The following STK32C variants were observed in gnomAD, a reference collection of about 807,000 sequenced individuals.
STK32C encodes the protein serine/threonine-protein kinase 32C.
A neutral mutation model predicts 56.5 loss-of-function variants in STK32C; 31 were observed. The ratio of observed to expected loss-of-function variants is 0.55; its 90% CI spans 0.41 to 0.74. The LOEUF (loss-of-function observed/expected upper bound fraction) is 0.74. STK32C is among the 30% of genes least tolerant of loss of function. The probability of loss-of-function intolerance (pLI) is 0.00; values close to 1 mark genes in which losing one functional copy is unlikely to be tolerated. For synonymous variants in STK32C, 309 were observed against 289.4 expected, an observed-to-expected ratio of 1.07 and a Z score of -0.69; for missense variants, 544 against 676.9, an observed-to-expected ratio of 0.80 and a Z score of 2.18.
intron 1 of STK32C, among the ~76,000 whole-genome samples, chr10:132,328,484 C>A (rs745364710): frequency 6.6e-6 from 1 of 152,132 alleles, no homozygotes; most frequent in Non-Finnish European, 1.5e-5. Flanking sequence ...CTGCAGGACC[C>A]CTAACCTGTA....
intron 2 of STK32C, among the ~76,000 whole-genome samples, chr10:132,237,478 G>A (rs11816257): frequency 0.014 from 2,179 of 152,362 alleles, 65 homozygotes; most frequent in African/African-American, 0.047. Flanking sequence ...CCAGAGAGAC[G>A]GGCCCGGCAA....
chr10:132,272,934 C>T (rs570393370), intron 1 of STK32C, among the ~76,000 whole-genome samples: 2 of 152,288 alleles, frequency 1.3e-5, no homozygotes, highest in Non-Finnish European at 2.9e-5. Context: ...CCAGTGAGCC[C>T]ACCATGCGGC....
intron 1 of STK32C, among the ~76,000 whole-genome samples, chr10:132,254,068 G>A (rs1038481931): frequency 3.9e-5 from 6 of 152,190 alleles, no homozygotes; most frequent in Non-Finnish European, 8.8e-5. Flanking sequence ...CCAGCACTTA[G>A]GGAGGCCGAG....
At chr10:132,241,538 T>C (rs1215948427) in intron 2 of STK32C, among the ~76,000 whole-genome samples, 1 of 152,226 alleles carries the variant, frequency 6.6e-6, no homozygotes, top group African/African-American at 2.4e-5. Context: ...ATCTCAACTT[T>C]GCTCTCAATT....
chr10:132,331,470 A>G, exon 1 of STK32C: 2 of 1,612,718 alleles, frequency 1.2e-6, no homozygotes, highest in Non-Finnish European at 1.7e-6. Flanking sequence ...CTCCGTCCAG[A>G]GGCAGCCTTA....
chr10:132,223,930 C>T (rs1253483901), intron 8 of STK32C, among the ~76,000 whole-genome samples: 1 of 152,130 alleles, frequency 6.6e-6, no homozygotes, highest in Non-Finnish European at 1.5e-5. Context: ...CTGCCCGTGT[C>T]CCTGCCAGGC....
At chr10:132,248,337 C>A (rs949107189) in intron 1 of STK32C, among the ~76,000 whole-genome samples, 7 of 152,238 alleles carry the variant, frequency 4.6e-5, no homozygotes, top group Non-Finnish European at 1.0e-4. Context: ...CCAGCAGCAA[C>A]CCCAACAGGA....
At position 132,257,515 on chromosome 10, in the gene STK32C, CAA is replaced by C. The variant is rs199746579; in HGVS notation, c.263-11562_263-11561del. 9.2e-3 allele frequency among the ~76,000 whole-genome samples: 1,364 copies of C among 147,578 alleles called. 23 individuals carry two copies. Among genetic ancestry groups the C allele is most frequent in the African/African-American group, 0.032 (1,303 of 40,376 alleles). On this transcript the variant is annotated intron_variant, in intron 1 of 11. Transcript: ENST00000298630. Reference sequence around the variant, plus strand: ...GGGAGGGAGCATCACACCCCCCAGCCAAAGAGATGGGCGGGGCGGAGCTGCGA... The same window carrying C: ...GGGAGGGAGCATCACACCCCCCAGCCAGAGATGGGCGGGGCGGAGCTGCGA...
At chr10:132,248,487 C>T (rs977937298) in intron 1 of STK32C, among the ~76,000 whole-genome samples, 1 of 152,244 alleles carries the variant, frequency 6.6e-6, no homozygotes, top group African/African-American at 2.4e-5. Context: ...ACCCTCTGTC[C>T]ACCTAGGCTC....
intron 10 of STK32C, among the ~76,000 whole-genome samples, chr10:132,216,484 A>G (rs1315060913): frequency 7.0e-6 from 1 of 143,316 alleles, no homozygotes; most frequent in African/African-American, 2.5e-5. Context: ...AAAAAAAAAG[A>G]GAGAAAAAAA....
At chr10:132,217,369 T>C (rs2062504684) in intron 10 of STK32C, among the ~76,000 whole-genome samples, 1 of 152,234 alleles carries the variant, frequency 6.6e-6, no homozygotes, top group South Asian at 2.1e-4. Context: ...CCTGTACCCC[T>C]ATTGTATCTA....
chr10:132,301,386 G>A (rs2065906873), intron 1 of STK32C, among the ~76,000 whole-genome samples: 1 of 152,248 alleles, frequency 6.6e-6, no homozygotes. Context: ...AGGGGCTCAA[G>A]AGGAAGTCTG....
chr10:132,230,089 C>A (rs2063037351), intron 2 of STK32C, among the ~76,000 whole-genome samples: 3 of 152,202 alleles, frequency 2.0e-5, no homozygotes, highest in South Asian at 2.1e-4. Context: ...GGAGCGGGGG[C>A]AGCTGCAGGC....
At chr10:132,302,479 G>A (rs1273617164) in intron 1 of STK32C, among the ~76,000 whole-genome samples, 3 of 152,176 alleles carry the variant, frequency 2.0e-5, no homozygotes, top group Admixed American at 1.3e-4. Flanking sequence ...GCCCAGAACC[G>A]GGGAAGCCAG....
At chr10:132,299,461 C>T (rs985190546) in intron 1 of STK32C, among the ~76,000 whole-genome samples, 23 of 151,732 alleles carry the variant, frequency 1.5e-4, no homozygotes, top group African/African-American at 5.3e-4. Context: ...GACCCCAGGA[C>T]GAGACCCAGC....
At chr10:132,227,831 T>C (rs907829041) in intron 3 of STK32C, 146 bp downstream of exon 3, 6 of 1,040,672 alleles carry the variant, frequency 5.8e-6, no homozygotes, top group Non-Finnish European at 8.4e-6. Flanking sequence ...GGGGGATAGA[T>C]GAGGAGGGCT....
downstream of STK32C, among the ~76,000 whole-genome samples, chr10:132,320,102 A>G (rs1216107773): frequency 6.6e-6 from 1 of 152,086 alleles, no homozygotes; most frequent in Admixed American, 6.5e-5. Flanking sequence ...AAGAAAAACT[A>G]GATGGCACAT....
At chr10:132,221,890 A>AGCTG (rs2062678426) in intron 10 of STK32C, among the ~76,000 whole-genome samples, 1 of 83,484 alleles carries the variant, frequency 1.2e-5, no homozygotes, top group Admixed American at 1.2e-4. Flanking sequence ...AACTAATATC[A>AGCTG]ACGCACCTGG....
chr10:132,314,396 C>T (rs369922509), intron 1 of STK32C, among the ~76,000 whole-genome samples: 5 of 152,152 alleles, frequency 3.3e-5, no homozygotes, highest in Admixed American at 2.6e-4. Context: ...AAAAAGTGGC[C>T]CAGCTAACGA....
Sources: gnomAD v4.1 joint callset for allele counts (sites outside exome capture counted in the v4.1 genomes callset) on GRCh38, gnomAD v4.1.1 for gene constraint, MANE v1.5 for transcripts, NCBI Gene and HGNC (gene_info 2026-07-23, HGNC 2026-07-21) for gene names.